Variants in CFAP100 observed in about 807,000 individuals in gnomAD.
CFAP100 encodes cilia- and flagella-associated protein 100.
CFAP100 carries 70 observed loss-of-function variants against 81.5 expected under a neutral mutation model. That is an observed-to-expected ratio of 0.86 (90% confidence interval 0.71 to 1.05). The LOEUF (loss-of-function observed/expected upper bound fraction) is 1.05, where lower values mean the gene tolerates loss of function less well. CFAP100 is among the 50% of genes least tolerant of loss of function. CFAP100 has a pLI of 0.00. For missense variants in CFAP100, 811 were observed against 776.5 expected (o/e 1.04, Z -0.53); for synonymous variants, 341 against 314.8 (o/e 1.08, Z -0.88).
At chr3:126,432,905 C>T (rs1933287642) in intron 13 of CFAP100, 164 bp from the exon 14 acceptor site, 1 of 552,986 alleles carries the variant, frequency 1.8e-6, no homozygotes, top group Non-Finnish European at 3.0e-6. Flanking sequence ...CTACATTCTA[C>T]CAGCATTTCT....
At chr3:126,429,108 A>C (rs1334309730) in intron 13 of CFAP100, among the ~76,000 whole-genome samples, 2 of 23,000 alleles carry the variant, frequency 8.7e-5, no homozygotes, top group South Asian at 9.8e-4. Context: ...GTCTCCATCC[A>C]AAAAAAAAAA....
intron 14 of CFAP100, 44 bp downstream of exon 14, chr3:126,433,248 G>T (rs372799520): frequency 3.7e-6 from 6 of 1,607,644 alleles, no homozygotes; most frequent in Non-Finnish European, 5.1e-6. Flanking sequence ...GGTAAGGAGG[G>T]ACCCTTGGGC....
chr3:126,411,247 C>T (rs575507397), intron 3 of CFAP100, among the ~76,000 whole-genome samples: 13 of 151,716 alleles, frequency 8.6e-5, no homozygotes, highest in African/African-American at 2.2e-4. Flanking sequence ...CACTTGATCA[C>T]GATGAATTAT....
intron 5 of CFAP100, 178 bp from the exon 6 acceptor site, chr3:126,418,280 C>T (rs2083273260): frequency 1.6e-6 from 1 of 610,144 alleles, no homozygotes; most frequent in Non-Finnish European, 2.9e-6. Context: ...CAGGCAGAGC[C>T]TTCTCTCTTT....
At chr3:126,417,139 C>T (rs2083257638) in intron 5 of CFAP100, among the ~76,000 whole-genome samples, 3 of 152,194 alleles carry the variant, frequency 2.0e-5, no homozygotes, top group Admixed American at 6.5e-5. Context: ...CCTAGGTTTC[C>T]TGGCTTCCGT....
chr3:126,434,177 A>G lies in CFAP100; in HGVS notation c.1424A>G (p.Asp475Gly). 1 of 1,608,640 alleles carries G rather than the reference A, an allele frequency of 6.2e-7. No homozygotes were observed. The highest frequency in any genetic ancestry group is 1.1e-5 in the South Asian group (1 of 90,718). The change falls in exon 15 of 17, where the codon GAT becomes GGT. Residue 475 changes from aspartate to glycine, a missense_variant and splice_region_variant. By Grantham distance (94) the Asp-to-Gly change is moderately conservative. Transcript: ENST00000352312. The part of the protein sequence containing the change: ...HFGEYKGDQQ[D>G]KLLESLNCKV... ...TGCTGGAAGCCACCTCCTCCACAGG[A>G]TAAGCTGCTAGAGAGCCTGAACTGC...
At chr3:126,395,892 A>G (rs1303388615) in intron 1 of CFAP100, 50 bp from the exon 2 acceptor site, 24 of 922,504 alleles carry the variant, frequency 2.6e-5, no homozygotes, top group South Asian at 2.3e-4. Flanking sequence ...AGGGGGAAGG[A>G]AGCTCTGGGC....
chr3:126,402,080 A>G (rs2082994107), intron 2 of CFAP100, among the ~76,000 whole-genome samples: 2 of 151,798 alleles, frequency 1.3e-5, no homozygotes, highest in South Asian at 4.2e-4. Context: ...TAGGCATGGC[A>G]CCTCCTTCAG....
rs1334816910 is a variant in CFAP100, at chr3:126,399,422, A to C, written c.49+3373A>C. On this transcript the variant is annotated intron_variant, in intron 2 of 16. Coordinates refer to ENST00000352312, the MANE Select transcript of CFAP100 (RefSeq NM_182628.3). Reference sequence around the variant, plus strand: ...GTCATTAGGCAAGAAAAAGAAAAAAAGAAGTAAAAGACCCAGACTGAAAAG... The same window carrying C: ...GTCATTAGGCAAGAAAAAGAAAAAACGAAGTAAAAGACCCAGACTGAAAAG... Among the ~76,000 whole-genome samples, 4 of 152,230 alleles carry C rather than the reference A, an allele frequency of 2.6e-5. No homozygotes were observed. The East Asian group carries it at 7.7e-4, about 29-fold the overall frequency.
intron 3 of CFAP100, among the ~76,000 whole-genome samples, chr3:126,412,197 G>C (rs996268923): frequency 1.3e-5 from 2 of 152,300 alleles, no homozygotes; most frequent in South Asian, 4.1e-4. Flanking sequence ...TTATTTCCGT[G>C]TGTTTCTATC....
rs1393917184 is a variant in CFAP100 at position 126,428,087 on chromosome 3, A to G, written c.1286+4443A>G. Among the ~76,000 whole-genome samples the G allele has an allele frequency of 2.7e-4, 41 of 152,216 alleles. 2 individuals carry two copies. The highest frequency in any genetic ancestry group is 2.7e-3 in the Admixed American group (41 of 15,282). On this transcript the variant is annotated intron_variant, in intron 13 of 16. Coordinates refer to ENST00000352312, the MANE Select transcript of CFAP100 (RefSeq NM_182628.3). ...CCCACCTCCAACACTGGGGATTACA[A>G]TTGAACATGAGATTTGGGCAGGGAC... is the stretch of plus-strand genomic sequence containing the variant.
chr3:126,419,049 C>CCCCA, intron 7 of CFAP100, 27 bp from the exon 8 acceptor site: 1 of 1,029,110 alleles, frequency 9.7e-7, no homozygotes, highest in Non-Finnish European at 1.4e-6. Flanking sequence ...TGCCCCCATC[C>CCCCA]CTCCTCCCCC....
intron 2 of CFAP100, among the ~76,000 whole-genome samples, chr3:126,406,243 C>A (rs2083061662): frequency 6.6e-6 from 1 of 152,200 alleles, no homozygotes; most frequent in African/African-American, 2.4e-5. Context: ...CCACAAGACT[C>A]CCGCCATCTT....
intron 13 of CFAP100, among the ~76,000 whole-genome samples, chr3:126,432,227 C>T (rs935313761): frequency 2.1e-5 from 3 of 139,830 alleles, no homozygotes; most frequent in Non-Finnish European, 3.0e-5. Context: ...TGCAGTGAGC[C>T]GAGATTGTGA....
At chr3:126,406,179 G>T (rs995164719) in intron 2 of CFAP100, among the ~76,000 whole-genome samples, 2 of 152,122 alleles carry the variant, frequency 1.3e-5, no homozygotes, top group Non-Finnish European at 2.9e-5. Flanking sequence ...TATGGATTCT[G>T]TGTGGCCCCG....
intron 13 of CFAP100, 74 bp from the exon 14 acceptor site, chr3:126,432,991 TACAG>T: frequency 5.1e-6 from 8 of 1,566,430 alleles, no homozygotes; most frequent in Non-Finnish European, 7.0e-6. Context: ...CAAAGCACTG[TACAG>T]ACAGGCTCAG....
chr3:126,395,036 G>A (rs927210794), intron 1 of CFAP100, 58 bp downstream of exon 1: 82 of 152,714 alleles, frequency 5.4e-4, no homozygotes, highest in Non-Finnish European at 7.5e-4. Flanking sequence ...GGGCGCGTGG[G>A]GGCGGCGGCA....
intron 13 of CFAP100, 71 bp downstream of exon 13, chr3:126,423,715 C>T: frequency 6.3e-7 from 1 of 1,579,460 alleles, no homozygotes; most frequent in Non-Finnish European, 8.7e-7. Context: ...GCACTGGGAG[C>T]CAAGTTGGGG....
rs763785675 is a variant in CFAP100 at position 126,423,356 on chromosome 3, G to T, written c.1114G>T (p.Asp372Tyr). 6.2e-7 allele frequency: 1 copy of T among 1,613,692 alleles called. No individual in the cohort carries two copies. Among genetic ancestry groups the T allele is most frequent in the Non-Finnish European group, 8.5e-7 (1 of 1,179,882 alleles). ...CTCTCCCATCCCCCCCACGCAGGAGGACACCGACAGCGATGGGGAGGTGAA... is the reference window on the plus strand; with the variant it reads ...CTCTCCCATCCCCCCCACGCAGGAGTACACCGACAGCGATGGGGAGGTGAA... The part of the protein sequence containing the change: ...SNSPIPPTQE[D>Y]TDSDGEEPQL... The change falls in exon 12 of 17, where the codon GAC becomes TAC. Residue 372 changes from aspartate (D) to tyrosine (Y), a missense_variant. Asp to Tyr is a radical substitution (Grantham distance 160). Transcript: ENST00000352312.
Sources: allele counts gnomAD v4.1 joint callset (sites outside exome capture counted in the v4.1 genomes callset), GRCh38; gene constraint gnomAD v4.1.1; transcripts MANE v1.5; gene names NCBI Gene and HGNC (gene_info 2026-07-23, HGNC 2026-07-21).